Variants in ZNF430 observed in about 807,000 individuals in gnomAD.
ZNF430 encodes the protein zinc finger protein 430.
In ZNF430, 35 loss-of-function variants were observed where a neutral mutation model predicts 56.7. That is an observed-to-expected ratio of 0.62 (90% CI 0.47 to 0.82). The LOEUF (loss-of-function observed/expected upper bound fraction) is 0.82, where lower values mean the gene tolerates loss of function less well. ZNF430 is among the 40% of genes least tolerant of loss of function. The pLI, the probability that ZNF430 is intolerant of heterozygous loss-of-function variation, is 0.00. For synonymous variants in ZNF430, 212 were observed against 224.3 expected (o/e 0.94, Z 0.49); for missense variants, 574 against 661.0 (o/e 0.87, Z 1.44).
chr19:21,037,547 T>C (rs1311720052), intron 4 of ZNF430, among the ~76,000 whole-genome samples: 1 of 152,224 alleles, frequency 6.6e-6, no homozygotes, highest in Non-Finnish European at 1.5e-5. Context: ...ACAATAAACA[T>C]GGATGTTCAA....
intron 4 of ZNF430, among the ~76,000 whole-genome samples, chr19:21,045,191 G>A: frequency 6.6e-6 from 1 of 152,068 alleles, no homozygotes; most frequent in Admixed American, 6.6e-5. Context: ...GATCTTTCCA[G>A]CTTTTTGCTG....
In ZNF430 at chr19:21,024,868, A is replaced by G. The variant is rs578186170; in HGVS notation, c.96+1987A>G. 2.0e-5 allele frequency among the ~76,000 whole-genome samples: 3 copies of G among 152,296 alleles called. No homozygotes were observed. The East Asian group carries it at 5.8e-4, about 29-fold the overall frequency. ...TCAGAGAATGTTTTACCCTGAAGTCAGCATGTTCTTAGGAGGGACATAAAA... is the reference window on the plus strand; with the variant it reads ...TCAGAGAATGTTTTACCCTGAAGTCGGCATGTTCTTAGGAGGGACATAAAA... On this transcript the variant is annotated intron_variant, in intron 2 of 4. Coordinates refer to ENST00000261560, the MANE Select transcript of ZNF430 (RefSeq NM_025189.4).
intron 2 of ZNF430, among the ~76,000 whole-genome samples, chr19:21,026,482 C>G (rs781724840): frequency 6.6e-6 from 1 of 152,034 alleles, no homozygotes; most frequent in African/African-American, 2.4e-5. Flanking sequence ...CCACCGTGCC[C>G]GGCCAATCTC....
chr19:21,055,936 G>C (rs1357187232), intron 4 of ZNF430, among the ~76,000 whole-genome samples: 1 of 152,082 alleles, frequency 6.6e-6, no homozygotes, highest in African/African-American at 2.4e-5. Context: ...TGTATAGATA[G>C]GTCCCTAGAA....
chr19:21,046,837 C>CT (rs1968192403), intron 4 of ZNF430, among the ~76,000 whole-genome samples: 1 of 152,076 alleles, frequency 6.6e-6, no homozygotes, highest in African/African-American at 2.4e-5. Context: ...CATGGAGTAT[C>CT]TTACTGGGGT....
intron 4 of ZNF430, among the ~76,000 whole-genome samples, chr19:21,054,912 G>A (rs1416951622): frequency 6.6e-6 from 1 of 151,814 alleles, no homozygotes; most frequent in Middle Eastern, 3.4e-3. Context: ...CTGACCTCGT[G>A]ATGCACCTGT....
At chr19:21,045,904 A>G (rs543546443) in intron 4 of ZNF430, among the ~76,000 whole-genome samples, 3 of 151,868 alleles carry the variant, frequency 2.0e-5, no homozygotes, top group Non-Finnish European at 4.4e-5. Context: ...CCATTCCTTC[A>G]TTTTAAGCAT....
rs1339859275 is a variant in ZNF430, at chr19:21,057,724, T to TA, written c.1417dup (p.Thr473AsnfsTer4). 6.2e-7 allele frequency: 1 copy of TA among 1,605,194 alleles called. No individual in the cohort carries two copies. Among genetic ancestry groups the TA allele is most frequent in the African/African-American group, 1.3e-5 (1 of 74,622 alleles). Reference sequence around the variant, plus strand: ...AAGCCTTTAACCGGTCCCCAAAACTTACTGCACATAAGGTAATTCATTCTG... The same window carrying TA: ...AAGCCTTTAACCGGTCCCCAAAACTTAACTGCACATAAGGTAATTCATTCTG... On this transcript the variant is annotated frameshift_variant, in exon 5 of 5. Transcript: ENST00000261560. LOFTEE classifies it high-confidence loss of function.
In ZNF430 at chr19:21,034,128, A is replaced by G. The variant is rs1687593425; in HGVS notation, c.266A>G (p.Glu89Gly). Residue 89 changes from glutamate to glycine, a missense_variant, in exon 4 of 5, where the codon GAG becomes GGG. Coordinates refer to ENST00000261560, the MANE Select transcript of ZNF430 (RefSeq NM_025189.4). ...AAGCCAGACCTGATCACCTGTCTAGAGCAAGGAAAAGAGCCCTGGAATATG... is the reference window on the plus strand; with the variant it reads ...AAGCCAGACCTGATCACCTGTCTAGGGCAAGGAAAAGAGCCCTGGAATATG... ...VSKPDLITCL[E>G]QGKEPWNMKR... The G allele has an allele frequency of 6.2e-7, 1 of 1,613,446 alleles. No homozygotes were observed. The highest frequency in any genetic ancestry group is 2.2e-5 in the East Asian group (1 of 44,872).
intron 1 of ZNF430, among the ~76,000 whole-genome samples, 172 bp downstream of exon 1, chr19:21,020,975 A>G (rs901385124): frequency 1.4e-4 from 21 of 152,124 alleles, no homozygotes; most frequent in Non-Finnish European, 2.8e-4. Context: ...GGCTGCGCTG[A>G]CAGGCGGGCC....
chr19:21,040,054 T>C (rs1234526128), intron 4 of ZNF430, among the ~76,000 whole-genome samples: 1 of 152,300 alleles, frequency 6.6e-6, no homozygotes, highest in East Asian at 1.9e-4. Context: ...TTCAGTCTGG[T>C]ATCAAACTTC....
chr19:21,057,420 A>G lies in ZNF430; in HGVS notation c.1112A>G (p.Lys371Arg). 1 of 1,613,598 alleles carries G rather than the reference A, an allele frequency of 6.2e-7. No individual in the cohort carries two copies. The highest frequency in any genetic ancestry group is 1.7e-5 in the Admixed American group (1 of 60,006). ...TTHKIIHAGE[K>R]PYKCEECGKA... The stretch of plus-strand genomic sequence containing the variant: ...CATAAGATAATTCATGCTGGAGAGA[A>G]ACCTTACAAATGTGAAGAATGTGGC... The change falls in exon 5 of 5, where the codon AAA becomes AGA. Residue 371 changes from lysine to arginine, a missense_variant. By Grantham distance (26) the Lys-to-Arg change is conservative. This residue lies in a region of ZNF430 where 15 missense variants were observed against 40.9 expected (regional missense o/e 0.37). Coordinates refer to ENST00000261560, the MANE Select transcript of ZNF430 (RefSeq NM_025189.4).
At chr19:21,046,886 T>A (rs933085603) in intron 4 of ZNF430, among the ~76,000 whole-genome samples, 1 of 152,180 alleles carries the variant, frequency 6.6e-6, no homozygotes, top group Admixed American at 6.6e-5. Context: ...GCCTTTCTTG[T>A]TAGGTTGGAA....
At chr19:21,021,652 A>G (rs1228823523) in intron 1 of ZNF430, among the ~76,000 whole-genome samples, 3 of 152,096 alleles carry the variant, frequency 2.0e-5, no homozygotes, top group Admixed American at 6.6e-5. Context: ...TGATGAAGAA[A>G]GCCAAATTCA....
chr19:21,026,039 G>T, intron 2 of ZNF430: 2 of 347,152 alleles, frequency 5.8e-6, no homozygotes, highest in Non-Finnish European at 1.1e-5. Context: ...ATGCACTCCT[G>T]GATCTAATTT....
intron 1 of ZNF430, among the ~76,000 whole-genome samples, chr19:21,021,973 A>G (rs905031791): frequency 6.6e-6 from 1 of 151,652 alleles, no homozygotes; most frequent in African/African-American, 2.4e-5. Flanking sequence ...GAGTAGCTGG[A>G]ATTACAAGCG....
rs147391452 is a variant in ZNF430 at position 21,054,491 on chromosome 19, G to A, written c.323-2140G>A. On this transcript the variant is annotated intron_variant, in intron 4 of 4. Transcript: ENST00000261560. Reference sequence around the variant, plus strand: ...TACCCTTCTGGCCTGCAAAATTTTTGTTGACAATTTACTGGCTGTGTCATA... The same window carrying A: ...TACCCTTCTGGCCTGCAAAATTTTTATTGACAATTTACTGGCTGTGTCATA... 6.2e-3 allele frequency among the ~76,000 whole-genome samples: 932 copies of A among 151,188 alleles called. 12 individuals carry two copies. The highest frequency in any genetic ancestry group is 0.022 in the African/African-American group (894 of 41,106).
chr19:21,055,535 G>A (rs1172936205), intron 4 of ZNF430, among the ~76,000 whole-genome samples: 2 of 151,454 alleles, frequency 1.3e-5, no homozygotes, highest in South Asian at 2.1e-4. Context: ...TGCACCCTCC[G>A]CCACCTGGGT....
intron 4 of ZNF430, among the ~76,000 whole-genome samples, chr19:21,042,300 A>G (rs1402581633): frequency 1.3e-5 from 2 of 152,190 alleles, no homozygotes; most frequent in Admixed American, 1.3e-4. Flanking sequence ...TAACAGAATT[A>G]TTTATATTCC....
Sources: gnomAD v4.1 joint callset for allele counts (sites outside exome capture counted in the v4.1 genomes callset) on GRCh38, gnomAD v4.1.1 for gene constraint, gnomAD v4.1.1 regional missense constraint, MANE v1.5 for transcripts, NCBI Gene and HGNC (gene_info 2026-07-23, HGNC 2026-07-21) for gene names.